Variants in FARP1 observed in about 807,000 individuals in gnomAD.
FARP1 encodes the protein FERM, ARHGEF and pleckstrin domain-containing protein 1.
A neutral mutation model predicts 128.8 loss-of-function variants in FARP1; 52 were observed. The ratio of observed to expected loss-of-function variants is 0.40; its 90% confidence interval spans 0.32 to 0.51. FARP1 has a LOEUF of 0.51. Ranked by LOEUF, FARP1 falls within the 20% of genes least tolerant of loss-of-function variation. The probability of loss-of-function intolerance (pLI) is 0.45; values close to 1 mark genes in which losing one functional copy is unlikely to be tolerated. For synonymous variants in FARP1, 580 were observed against 551.8 expected (o/e 1.05, Z -0.72); for missense variants, 1,333 against 1,367.9 (o/e 0.97, Z 0.40).
intron 2 of FARP1, among the ~76,000 whole-genome samples, chr13:98,325,737 C>G (rs961754229): frequency 5.3e-5 from 8 of 152,332 alleles, no homozygotes; most frequent in Admixed American, 4.6e-4. Flanking sequence ...TGTAGCTTGT[C>G]CAGTTTGATC....
intron 2 of FARP1, among the ~76,000 whole-genome samples, chr13:98,316,886 G>T (rs915910037): frequency 6.6e-6 from 1 of 152,210 alleles, no homozygotes; most frequent in African/African-American, 2.4e-5. Context: ...CAGTTGGAAA[G>T]CAAATAGGGG....
Position 98,245,097 on chromosome 13 carries a change from T to C in FARP1, c.171+31684T>C, listed in dbSNP as rs2139464304. ...CATCTTCCTTTCCTGAGTGGTCTCT[T>C]AATTAGATTCTTTAGTTTTTAAATG... On this transcript the variant is annotated intron_variant, in intron 2 of 26. Coordinates refer to ENST00000319562, the MANE Select transcript of FARP1 (RefSeq NM_005766.4). 10 of 1,002,742 alleles carry C rather than the reference T, an allele frequency of 1.0e-5. No individual in the cohort carries two copies. In the South Asian group the frequency reaches 4.4e-4, roughly 44 times the overall value. The allele number at this position is 1,002,742 out of a possible 1,614,324, so 62.1% of individuals were successfully genotyped here. A position where few individuals can be genotyped will look rare whatever the true frequency, so the allele number is the denominator to read the frequency against.
At chr13:98,305,002 A>G (rs1340156569) in intron 2 of FARP1, among the ~76,000 whole-genome samples, 1 of 151,802 alleles carries the variant, frequency 6.6e-6, no homozygotes, top group Non-Finnish European at 1.5e-5. Flanking sequence ...AGTATTAGGC[A>G]TGGCCATAAT....
At chr13:98,408,644 T>A (rs1891070623) in intron 13 of FARP1, among the ~76,000 whole-genome samples, 1 of 152,222 alleles carries the variant, frequency 6.6e-6, no homozygotes, top group Non-Finnish European at 1.5e-5. Context: ...TTCATATTAC[T>A]ATGGTATCCT....
chr13:98,277,833 C>T (rs969325326), intron 2 of FARP1, among the ~76,000 whole-genome samples: 4 of 152,220 alleles, frequency 2.6e-5, no homozygotes, highest in African/African-American at 9.6e-5. Context: ...GGATGCTCAA[C>T]TTCCACCCCC....
intron 26 of FARP1, chr13:98,447,852 A>T (rs1892947454): frequency 4.8e-6 from 1 of 209,856 alleles, no homozygotes; most frequent in African/African-American, 2.4e-5. Flanking sequence ...CTCAAAAAAA[A>T]AAGAAAAAGA....
chr13:98,448,017 G>A, intron 26 of FARP1: 1 of 582,122 alleles, frequency 1.7e-6, no homozygotes. Context: ...CTGCAGCAAG[G>A]TACTTCCAGC....
At chr13:98,174,735 G>T (rs1302129949) in intron 1 of FARP1, among the ~76,000 whole-genome samples, 1 of 152,004 alleles carries the variant, frequency 6.6e-6, no homozygotes, top group Admixed American at 6.6e-5. Flanking sequence ...TACAATAATC[G>T]ATATGTTGAT....
rs60809416 is a variant in FARP1, at chr13:98,265,311, A to ATT, written c.171+51923_171+51924dup. ...ACCCACCCACACCCCTCCTTCCTGA[A>ATT]TTTTTTTTTTTTTTTTTTTTTTTTT... On this transcript the variant is annotated intron_variant, in intron 2 of 26. Transcript: ENST00000319562. Among the ~76,000 whole-genome samples the ATT allele has an allele frequency of 3.9e-3, 238 of 60,266 alleles. 36 individuals carry two copies. Among genetic ancestry groups the ATT allele is most frequent in the South Asian group, 0.012 (13 of 1,054 alleles). The allele number at this position is 60,266 out of a possible 152,430, so 39.5% of individuals were successfully genotyped here.
At chr13:98,378,024 G>A (rs990292494) in intron 6 of FARP1, 106 bp downstream of exon 6, 6 of 890,852 alleles carry the variant, frequency 6.7e-6, no homozygotes, top group African/African-American at 5.0e-5. Context: ...CAATGTTTTT[G>A]TGTTATTTTT....
intron 2 of FARP1, among the ~76,000 whole-genome samples, chr13:98,274,066 AG>A (rs1884515602): frequency 6.6e-6 from 1 of 152,140 alleles, no homozygotes; most frequent in African/African-American, 2.4e-5. Context: ...CAGACTTTTC[AG>A]GGCAACCACC....
intron 1 of FARP1, among the ~76,000 whole-genome samples, chr13:98,178,969 C>T (rs533215270): frequency 3.5e-4 from 54 of 152,264 alleles, no homozygotes; most frequent in African/African-American, 9.6e-4. Context: ...TGGAATCCAT[C>T]GGTATTGTTG....
intron 2 of FARP1, among the ~76,000 whole-genome samples, chr13:98,256,345 T>A (rs776121031): frequency 6.6e-6 from 1 of 152,232 alleles, no homozygotes; most frequent in East Asian, 1.9e-4. Context: ...CTGTGAAATA[T>A]ATGTGCGATG....
At chr13:98,408,027 G>A (rs762124320) in intron 13 of FARP1, among the ~76,000 whole-genome samples, 2 of 152,180 alleles carry the variant, frequency 1.3e-5, no homozygotes, top group Admixed American at 6.5e-5. Flanking sequence ...AAGTAGCAGC[G>A]AGCCTGAAAC....
At chr13:98,225,241 G>A (rs1328234537) in intron 2 of FARP1, among the ~76,000 whole-genome samples, 3 of 152,136 alleles carry the variant, frequency 2.0e-5, no homozygotes, top group East Asian at 1.9e-4. Context: ...TCGTGATCCA[G>A]TGCCGAGAAC....
chr13:98,169,871 TAA>T (rs2139159642), intron 1 of FARP1, among the ~76,000 whole-genome samples: 2 of 149,960 alleles, frequency 1.3e-5, no homozygotes, highest in South Asian at 4.1e-4. Flanking sequence ...AGATATTTCC[TAA>T]GTTTTCAAAA....
chr13:98,156,349 CATATT>C (rs1374666520), intron 1 of FARP1, among the ~76,000 whole-genome samples: 1 of 152,178 alleles, frequency 6.6e-6, no homozygotes, highest in East Asian at 1.9e-4. Context: ...CAAAGATAAA[CATATT>C]AAGTTATAAT....
chr13:98,181,463 G>GA (rs1878505814), intron 1 of FARP1, among the ~76,000 whole-genome samples: 1 of 151,906 alleles, frequency 6.6e-6, no homozygotes, highest in Non-Finnish European at 1.5e-5. Flanking sequence ...AGGTAGTAAT[G>GA]AAAAGATTGT....
At chr13:98,293,898 C>T (rs1885551373) in intron 2 of FARP1, among the ~76,000 whole-genome samples, 1 of 152,170 alleles carries the variant, frequency 6.6e-6, no homozygotes, top group South Asian at 2.1e-4. Flanking sequence ...GTCAACAAAT[C>T]TTTTGATCAT....
Sources: allele counts gnomAD v4.1 joint callset (sites outside exome capture counted in the v4.1 genomes callset), GRCh38; gene constraint gnomAD v4.1.1; transcripts MANE v1.5; gene names NCBI Gene and HGNC (gene_info 2026-07-23, HGNC 2026-07-21).